The following PLEKHG2 variants were observed in gnomAD, a reference collection of about 807,000 sequenced individuals.
PLEKHG2 encodes pleckstrin homology domain-containing family G member 2.
In PLEKHG2, 71 loss-of-function variants were observed where a neutral mutation model predicts 104.4. That is an observed-to-expected ratio of 0.68 (90% CI 0.56 to 0.83). PLEKHG2 has a LOEUF of 0.83. Among genes scored for constraint, PLEKHG2 ranks in the 40% least tolerant of loss-of-function variants. The probability of loss-of-function intolerance (pLI) is 0.00; values close to 1 mark genes in which losing one functional copy is unlikely to be tolerated. For synonymous variants in PLEKHG2, 728 were observed against 737.0 expected (o/e 0.99, Z 0.20); for missense variants, 1,730 against 1,809.4 (o/e 0.96, Z 0.80).
chr19:39,415,111 C>G lies in PLEKHG2; in HGVS notation c.229C>G (p.Pro77Ala). 1.3e-6 allele frequency: 2 copies of G among 1,596,732 alleles called. No individual in the cohort carries two copies. Among genetic ancestry groups the G allele is most frequent in the Non-Finnish European group, 1.7e-6 (2 of 1,171,600 alleles). Residue 77 changes from proline to alanine, a missense_variant, in exon 3 of 19, where the codon CCA becomes GCA. Pro to Ala is a conservative substitution (Grantham distance 27). Coordinates refer to ENST00000425673, the MANE Select transcript of PLEKHG2 (RefSeq NM_022835.3). This position sits in a 1 kb window ranked among gnomAD's most constrained non-coding sequence, Gnocchi z 4.6. ...GPTPACSASRPEPLPGPPIRL... is the reference protein window; with the variant it reads ...GPTPACSASRAEPLPGPPIRL... ...CACTCCAGCCTGCTCAGCCTCCAGG[C>G]CAGAGCCCCTTCCAGGGCCTCCCAT...
In PLEKHG2 at chr19:39,424,666, C is replaced by T. The variant is rs1275037215; in HGVS notation, c.3533C>T (p.Ala1178Val). The change falls in exon 19 of 19, where the codon GCA becomes GTA. Residue 1178 changes from alanine (A) to valine (V), a missense_variant. Coordinates refer to ENST00000425673, the MANE Select transcript of PLEKHG2 (RefSeq NM_022835.3). ...CCAGACATCCAGGGTCCAGCGGCTG[C>T]ACCTCCACTTCCGGAGCCAAGCCTT... Reference protein sequence around the residue: ...SLPDIQGPAAAPPLPEPSLTD... With the variant: ...SLPDIQGPAAVPPLPEPSLTD... 2 of 1,614,094 alleles carry T rather than the reference C, an allele frequency of 1.2e-6. No individual in the cohort carries two copies. The highest frequency in any genetic ancestry group is 2.7e-5 in the African/African-American group (2 of 74,920).
At position 39,422,248 on chromosome 19, in the gene PLEKHG2, T is replaced by C. The variant is rs139038661; in HGVS notation, c.1637T>C (p.Ile546Thr). The change falls in exon 17 of 19, where the codon ATC becomes ACC. Residue 546 changes from isoleucine to threonine, a missense_variant. Transcript: ENST00000425673. The part of the protein sequence containing the change: ...DPSGTSITEE[I>T]LELLNQRGLR... The stretch of plus-strand genomic sequence containing the variant: ...TCTGGGACCTCAATCACTGAAGAAA[T>C]CCTGGAACTGCTGAATCAGCGAGGC... 60 of 1,613,568 alleles carry C rather than the reference T, an allele frequency of 3.7e-5. No individual in the cohort carries two copies. The East Asian group carries it at 1.3e-3, about 35-fold the overall frequency.
chr19:39,416,192 G>A lies in PLEKHG2; in HGVS notation c.480-156G>A, dbSNP rs2078599886. 6.6e-6 allele frequency among the ~76,000 whole-genome samples: 1 copy of A among 152,112 alleles called. No homozygotes were observed. The highest frequency in any genetic ancestry group is 6.5e-5 in the Admixed American group (1 of 15,280). ...GTTACCATGCCCCGTGTAGCCCTCA[G>A]AGGACCCTTCCTCCGGACATGACAT... is the stretch of plus-strand genomic sequence containing the variant. On this transcript the variant is annotated intron_variant, in intron 4 of 18. Coordinates refer to ENST00000425673, the MANE Select transcript of PLEKHG2 (RefSeq NM_022835.3). The surrounding 1 kb of genome is among the most constrained non-coding windows in gnomAD (Gnocchi z 4.5).
Position 39,424,794 on chromosome 19 carries a change from C to G in PLEKHG2, c.3661C>G (p.Leu1221Val). Residue 1221 changes from leucine to valine, a missense_variant, in exon 19 of 19, where the codon CTA (leucine) becomes GTA (valine). Coordinates refer to ENST00000425673, the MANE Select transcript of PLEKHG2 (RefSeq NM_022835.3). ...ATPLPERGGS[L>V]DIQGLSPTPV... ...ACCTTTACCTGAGAGAGGAGGCTCT[C>G]TAGACATTCAGGGCCTCTCACCCAC... 1.2e-6 allele frequency: 2 copies of G among 1,614,180 alleles called. No homozygotes were observed. Among genetic ancestry groups the G allele is most frequent in the African/African-American group, 1.3e-5 (1 of 75,046 alleles).
In PLEKHG2 at chr19:39,423,207, C is replaced by T. The variant is rs201459678; in HGVS notation, c.2153C>T (p.Pro718Leu). ...TRRELFSGSN[P>L]GKLGEPPSGG... ...AGAGAACTGTTTTCTGGGAGCAATC[C>T]TGGGAAACTGGGAGAGCCGCCTTCA... The change falls in exon 18 of 19, where the codon CCT becomes CTT. Residue 718 changes from proline (P) to leucine (L), a missense_variant. Coordinates refer to ENST00000425673, the MANE Select transcript of PLEKHG2 (RefSeq NM_022835.3). 70 of 1,612,742 alleles carry T rather than the reference C, an allele frequency of 4.3e-5. No individual in the cohort carries two copies. Among genetic ancestry groups the T allele is most frequent in the Middle Eastern group, 1.7e-4 (1 of 6,056 alleles).
chr19:39,416,358 G>A lies in PLEKHG2; in HGVS notation c.490G>A (p.Glu164Lys). 6.2e-7 allele frequency: 1 copy of A among 1,612,962 alleles called. No individual in the cohort carries two copies. The highest frequency in any genetic ancestry group is 8.5e-7 in the Non-Finnish European group (1 of 1,179,778). ...DIYEFSSELL[E>K]DLENSSSAGG... ...CCCTCTCCCCTGTAGCGAGCTCCTG[G>A]AGGACTTGGAGAACAGCAGCAGCGC... The change falls in exon 5 of 19, where the codon GAG becomes AAG. Residue 164 changes from glutamate (E) to lysine (K), a missense_variant. Transcript: ENST00000425673. This position sits in a 1 kb window ranked among gnomAD's most constrained non-coding sequence, Gnocchi z 4.5.
In PLEKHG2 at chr19:39,416,885, C is replaced by T. The variant is rs201825139; in HGVS notation, c.629C>T (p.Pro210Leu). 1.7e-5 allele frequency: 27 copies of T among 1,611,690 alleles called. No individual in the cohort carries two copies. The highest frequency in any genetic ancestry group is 6.6e-5 in the South Asian group (6 of 90,884). Residue 210 changes from proline to leucine, a missense_variant, in exon 7 of 19, where the codon CCG becomes CTG. Pro to Leu is a moderately conservative substitution (Grantham distance 98, BLOSUM62 -3). Coordinates refer to ENST00000425673, the MANE Select transcript of PLEKHG2 (RefSeq NM_022835.3). The surrounding 1 kb of genome is among the most constrained non-coding windows in gnomAD (Gnocchi z 4.5). The part of the protein sequence containing the change: ...LALLRELSLS[P>L]PAALWLQERQ... ...CTGCTCCGGGAGCTGTCGTTGTCTC[C>T]GCCAGCAGCCCTGTGGCTGCAGGAG...
At position 39,415,185 on chromosome 19, in the gene PLEKHG2, A is replaced by C. The variant is rs370261644; in HGVS notation, c.303A>C (p.Ser101=). The C allele has an allele frequency of 1.3e-5, 21 of 1,592,198 alleles. No homozygotes were observed. The highest frequency in any genetic ancestry group is 1.8e-5 in the Non-Finnish European group (21 of 1,168,698). ...PVGIPGSARP[S]RLERVAREIV... ...GGATCCCAGGTTCAGCCAGACCCTCAAGGCTGGAGCGTGTGGCCCGGGAGA... is the reference window on the plus strand; with the variant it reads ...GGATCCCAGGTTCAGCCAGACCCTCCAGGCTGGAGCGTGTGGCCCGGGAGA... The change falls in exon 3 of 19, where the codon TCA becomes TCC. Residue 101 remains serine (S), a synonymous_variant. Coordinates refer to ENST00000425673, the MANE Select transcript of PLEKHG2 (RefSeq NM_022835.3). This position sits in a 1 kb window ranked among gnomAD's most constrained non-coding sequence, Gnocchi z 4.6.
chr19:39,424,984 C>T lies in PLEKHG2; in HGVS notation c.3851C>T (p.Ser1284Leu). Residue 1284 changes from serine (S) to leucine (L), a missense_variant, in exon 19 of 19, where the codon TCA becomes TTA. By Grantham distance (145) the Ser-to-Leu change is moderately radical. Coordinates refer to ENST00000425673, the MANE Select transcript of PLEKHG2 (RefSeq NM_022835.3). Reference protein sequence around the residue: ...AAALSRYLAASYISQSLARRQ... With the variant: ...AAALSRYLAALYISQSLARRQ... The stretch of plus-strand genomic sequence containing the variant: ...GCCCTCTCCAGATACCTGGCAGCCT[C>T]ATATATCAGCCAGAGCCTGGCTCGG... The T allele has an allele frequency of 6.2e-7, 1 of 1,613,660 alleles. No individual in the cohort carries two copies. The highest frequency in any genetic ancestry group is 8.5e-7 in the Non-Finnish European group (1 of 1,179,744).
Position 39,417,892 on chromosome 19 carries a change from G to C in PLEKHG2, c.883-13G>C. On this transcript the variant is annotated splice_polypyrimidine_tract_variant and intron_variant, in intron 8 of 18. Coordinates refer to ENST00000425673, the MANE Select transcript of PLEKHG2 (RefSeq NM_022835.3). ...GTCTCTGCGCCCCGGCGCACCTGGC[G>C]GGGTCCCGGCAGGAAGTGCAGCGGC... 1 of 1,534,888 alleles carries C rather than the reference G, an allele frequency of 6.5e-7. No individual in the cohort carries two copies.
chr19:39,414,011 G>A (rs2078561020), intron 1 of PLEKHG2, 54 bp from the exon 2 acceptor site: 1 of 1,278,174 alleles, frequency 7.8e-7, no homozygotes, highest in Admixed American at 2.1e-5. Flanking sequence ...TGTGAGTCTG[G>A]GCGGCGGAGA....
intron 11 of PLEKHG2, among the ~76,000 whole-genome samples, chr19:39,420,130 CG>C (rs1465112895): frequency 1.3e-5 from 2 of 152,052 alleles, no homozygotes; most frequent in African/African-American, 4.8e-5. Context: ...GAGGCCAAGG[CG>C]GGTGGATCAC....
Position 39,423,166 on chromosome 19 carries a change from G to A in PLEKHG2, c.2112G>A (p.Glu704=). 1 of 1,613,150 alleles carries A rather than the reference G, an allele frequency of 6.2e-7. No homozygotes were observed. Among genetic ancestry groups the A allele is most frequent in the African/African-American group, 1.3e-5 (1 of 74,996 alleles). The change falls in exon 18 of 19, where the codon GAG becomes GAA. Residue 704 remains glutamate, a synonymous_variant. Transcript: ENST00000425673. The part of the protein sequence containing the change: ...WLQGPLQEPA[E]APATRRELFS... Reference sequence around the variant, plus strand: ...AAGGGCCTCTGCAGGAACCAGCTGAGGCTCCAGCCACCAGGAGAGAACTGT... The same window carrying A: ...AAGGGCCTCTGCAGGAACCAGCTGAAGCTCCAGCCACCAGGAGAGAACTGT...
At chr19:39,421,160 C>T (rs368717125) in intron 15 of PLEKHG2, 47 bp downstream of exon 15, 18 of 1,031,596 alleles carry the variant, frequency 1.7e-5, no homozygotes, top group Middle Eastern at 4.8e-4. Context: ...GTCTGTCGCC[C>T]GGTGGGATGT....
In PLEKHG2 at chr19:39,424,766, C is replaced by G. The variant is rs146174427; in HGVS notation, c.3633C>G (p.Ala1211=). ...TCATAGATGCCCATGTTCCAGCTGC[C>G]ACACCTTTACCTGAGAGAGGAGGCT... is the stretch of plus-strand genomic sequence containing the variant. ...KSLIDAHVPA[A]TPLPERGGSL... is the part of the protein sequence containing the mutation. Residue 1211 remains alanine (A), a synonymous_variant, in exon 19 of 19, where the codon GCC becomes GCG. Transcript: ENST00000425673. The G allele has an allele frequency of 1.7e-4, 280 of 1,614,210 alleles. 1 individual carries two copies. The African/African-American group carries it at 2.3e-3, about 13-fold the overall frequency.
In PLEKHG2 at chr19:39,415,846, G is replaced by A. The variant is rs2078595721; in HGVS notation, c.479+407G>A. Reference sequence around the variant, plus strand: ...TCCAAGAATCATATGGGGCCTGAAGGCCGAGACAGCGTGAGCATGCGAGTG... The same window carrying A: ...TCCAAGAATCATATGGGGCCTGAAGACCGAGACAGCGTGAGCATGCGAGTG... On this transcript the variant is annotated intron_variant, in intron 4 of 18. Transcript: ENST00000425673. The surrounding 1 kb of genome is among the most constrained non-coding windows in gnomAD (Gnocchi z 4.6). Among the ~76,000 whole-genome samples, 1 of 152,170 alleles carries A rather than the reference G, an allele frequency of 6.6e-6. No homozygotes were observed. Among genetic ancestry groups the A allele is most frequent in the African/African-American group, 2.4e-5 (1 of 41,432 alleles).
chr19:39,419,026 G>A (rs2078655268), intron 11 of PLEKHG2, 23 bp downstream of exon 11: 1 of 1,593,858 alleles, frequency 6.3e-7, no homozygotes, highest in Non-Finnish European at 8.5e-7. Context: ...CCGCAGCCGG[G>A]GGCCCTCTGA....
At chr19:39,421,394 A>G (rs2146005988) in intron 16 of PLEKHG2, 95 bp downstream of exon 16, 1 of 1,366,912 alleles carries the variant, frequency 7.3e-7, no homozygotes, top group African/African-American at 1.4e-5. Context: ...CTGAATGAGA[A>G]GGGGATTGGG....
chr19:39,425,255 C>T lies in PLEKHG2; in HGVS notation c.4122C>T (p.His1374=). The part of the protein sequence containing the change: ...LASTQESMGL[H]RAQGAPDAPF... ...CCACACAGGAATCTATGGGCCTTCA[C>T]AGGGCCCAGGGGGCTCCTGATGCCC... Residue 1374 remains histidine, a synonymous_variant, in exon 19 of 19, where the codon CAC becomes CAT. Transcript: ENST00000425673. 1.9e-6 allele frequency: 3 copies of T among 1,613,490 alleles called. No homozygotes were observed. The highest frequency in any genetic ancestry group is 2.5e-6 in the Non-Finnish European group (3 of 1,179,976).
Sources: gnomAD v4.1 joint callset for allele counts (sites outside exome capture counted in the v4.1 genomes callset) on GRCh38, gnomAD v4.1.1 for gene constraint, Gnocchi (gnomAD v3.1) non-coding constraint, MANE v1.5 for transcripts, NCBI Gene and HGNC (gene_info 2026-07-23, HGNC 2026-07-21) for gene names.